Variants in RYR3 observed in about 807,000 individuals in gnomAD.
The protein encoded by RYR3 is ryanodine receptor 3, also known as brain ryanodine receptor-calcium release channel.
In RYR3, 207 loss-of-function variants were observed where a neutral mutation model predicts 584.3. That is an observed-to-expected ratio of 0.35 (90% CI 0.32 to 0.40). RYR3 has a LOEUF of 0.40. Ranked by LOEUF, RYR3 falls within the 10% of genes least tolerant of loss-of-function variation. RYR3 has a pLI of 1.00. For missense variants in RYR3, 5,616 were observed against 6,089.2 expected (o/e 0.92, Z 2.59); for synonymous variants, 2,416 against 2,248.5 (o/e 1.07, Z -2.11).
intron 36 of RYR3, among the ~76,000 whole-genome samples, chr15:33,664,725 G>A (rs377382560): frequency 1.3e-5 from 2 of 151,504 alleles, no homozygotes; most frequent in African/African-American, 4.8e-5. Flanking sequence ...TGCTTAGCAT[G>A]ACGCCTGTCA....
chr15:33,642,967 A>G (rs1266927077), intron 27 of RYR3, among the ~76,000 whole-genome samples: 1 of 152,234 alleles, frequency 6.6e-6, no homozygotes, highest in Non-Finnish European at 1.5e-5. Context: ...TCTAAAAGCA[A>G]CCACATAGCT....
At chr15:33,774,436 T>C (rs2073852049) in intron 64 of RYR3, among the ~76,000 whole-genome samples, 2 of 152,242 alleles carry the variant, frequency 1.3e-5, no homozygotes, top group Non-Finnish European at 2.9e-5. Context: ...GCTGCCTCTA[T>C]GTATAATGCT....
At chr15:33,646,795 A>G (rs1180387633) in intron 29 of RYR3, among the ~76,000 whole-genome samples, 2 of 152,186 alleles carry the variant, frequency 1.3e-5, no homozygotes, top group Non-Finnish European at 2.9e-5. Flanking sequence ...CTGAGCCCCT[A>G]CCTTCCTTGC....
chr15:33,754,427 C>T (rs1022336010), intron 57 of RYR3, among the ~76,000 whole-genome samples: 6 of 152,222 alleles, frequency 3.9e-5, no homozygotes, highest in African/African-American at 7.2e-5. Flanking sequence ...TAACCTTCAA[C>T]GCAACATGCA....
chr15:33,420,237 A>G (rs2044142617), intron 1 of RYR3, among the ~76,000 whole-genome samples: 1 of 152,174 alleles, frequency 6.6e-6, no homozygotes, highest in Non-Finnish European at 1.5e-5. Flanking sequence ...TTGGGCATCC[A>G]GCAAAGCTTA....
At chr15:33,528,055 A>T (rs1381949892) in intron 3 of RYR3, among the ~76,000 whole-genome samples, 2 of 152,204 alleles carry the variant, frequency 1.3e-5, no homozygotes, top group Non-Finnish European at 2.9e-5. Flanking sequence ...TAATGCTTTC[A>T]TGGAAACGGA....
rs747733717 is a variant in RYR3, at chr15:33,748,129, C to T, written c.8005C>T (p.Arg2669Cys). Reference protein sequence around the residue: ...TLTEKEKEIYRWPARESLKTM... With the variant: ...TLTEKEKEIYCWPARESLKTM... ...TCTCTTCTAGGAGAAGGAAATTTAT[C>T]GCTGGCCTGCGCGAGAGTCCCTGAA... Residue 2669 changes from arginine (R) to cysteine (C), a missense_variant, in exon 54 of 104, where the codon CGC (arginine) becomes TGC (cysteine). Arg to Cys is a radical substitution (Grantham distance 180). Around this residue, in one of 9 missense-constraint regions of RYR3, gnomAD observed 1,280 missense variants for 1,426.2 expected, o/e 0.90. Coordinates refer to ENST00000634891, the MANE Select transcript of RYR3 (RefSeq NM_001036.6). 1.8e-5 allele frequency: 29 copies of T among 1,613,552 alleles called. No homozygotes were observed. Among genetic ancestry groups the T allele is most frequent in the Non-Finnish European group, 2.1e-5 (25 of 1,179,826 alleles).
intron 1 of RYR3, among the ~76,000 whole-genome samples, chr15:33,393,932 A>G (rs1417166377): frequency 1.3e-5 from 2 of 152,234 alleles, no homozygotes; most frequent in Admixed American, 6.5e-5. Context: ...CAGCAGCCCT[A>G]TGAGATAGAT....
intron 1 of RYR3, among the ~76,000 whole-genome samples, chr15:33,314,054 C>T (rs1967731209): frequency 1.3e-5 from 2 of 152,172 alleles, no homozygotes; most frequent in African/African-American, 4.8e-5. Flanking sequence ...TGGAAGCCCA[C>T]CCTCTCCTAA....
chr15:33,499,343 CCTT>C (rs2051746544), intron 2 of RYR3, among the ~76,000 whole-genome samples: 1 of 151,872 alleles, frequency 6.6e-6, no homozygotes, highest in Non-Finnish European at 1.5e-5. Context: ...CCCTCTGTCT[CCTT>C]CTCTCCTCTC....
In RYR3 at chr15:33,728,514, G is replaced by T. The variant is rs114358455; in HGVS notation, c.7034-343G>T. Among the ~76,000 whole-genome samples the T allele has an allele frequency of 6.5e-3, 984 of 152,336 alleles. 15 individuals are homozygous for T. The highest frequency in any genetic ancestry group is 0.022 in the African/African-American group (933 of 41,578). ...CCTTCAGCGCAGCACTGTACAGATT[G>T]AGTATTCCTTATCCTAAATGCTTGG... On this transcript the variant is annotated intron_variant, in intron 46 of 103. Transcript: ENST00000634891.
At chr15:33,732,387 CAAA>C (rs3086238) in intron 48 of RYR3, among the ~76,000 whole-genome samples, 10 of 130,464 alleles carry the variant, frequency 7.7e-5, no homozygotes, top group Admixed American at 7.7e-5. Flanking sequence ...GACTCCATCT[CAAA>C]AAAAAAAAAA....
intron 1 of RYR3, among the ~76,000 whole-genome samples, chr15:33,400,420 C>T (rs2141365819): frequency 6.6e-6 from 1 of 152,308 alleles, no homozygotes; most frequent in South Asian, 2.1e-4. Flanking sequence ...TCCTTTAAAG[C>T]CCGTTCCTAC....
At chr15:33,670,381 A>G (rs1296401424) in intron 37 of RYR3, 38 bp from the exon 38 acceptor site, 1 of 1,607,924 alleles carries the variant, frequency 6.2e-7, no homozygotes, top group East Asian at 2.2e-5. Flanking sequence ...GGTTTCATGC[A>G]CTGCTTTGGA....
At chr15:33,523,694 G>T (rs976243293) in intron 3 of RYR3, among the ~76,000 whole-genome samples, 1 of 152,136 alleles carries the variant, frequency 6.6e-6, no homozygotes, top group African/African-American at 2.4e-5. Flanking sequence ...GCCTTGAGAA[G>T]CAGGGAATGC....
chr15:33,576,256 C>T (rs764654098), intron 12 of RYR3, among the ~76,000 whole-genome samples: 5 of 152,168 alleles, frequency 3.3e-5, no homozygotes, highest in African/African-American at 7.2e-5. Flanking sequence ...AGACTCCTCC[C>T]GAACTCATTT....
chr15:33,396,604 T>G (rs2042313081), intron 1 of RYR3, among the ~76,000 whole-genome samples: 1 of 152,172 alleles, frequency 6.6e-6, no homozygotes, highest in Non-Finnish European at 1.5e-5. Flanking sequence ...TTGCTTTCAG[T>G]GGCAAAAACT....
intron 81 of RYR3, among the ~76,000 whole-genome samples, chr15:33,823,542 A>G (rs771265827): frequency 6.6e-6 from 1 of 152,218 alleles, no homozygotes; most frequent in Non-Finnish European, 1.5e-5. Flanking sequence ...GTGTTAGGGT[A>G]GTGTGTATTT....
At chr15:33,644,997 G>C (rs2062020436) in intron 28 of RYR3, among the ~76,000 whole-genome samples, 1 of 151,844 alleles carries the variant, frequency 6.6e-6, no homozygotes, top group Non-Finnish European at 1.5e-5. Flanking sequence ...GGGTGACAGA[G>C]AGAGACCTCG....
Sources: gnomAD v4.1 joint callset for allele counts (sites outside exome capture counted in the v4.1 genomes callset) on GRCh38, gnomAD v4.1.1 for gene constraint, gnomAD v4.1.1 regional missense constraint, MANE v1.5 for transcripts, NCBI Gene and HGNC (gene_info 2026-07-23, HGNC 2026-07-21) for gene names.